Variants in WDR70 observed in about 807,000 individuals in gnomAD.
WDR70 encodes WD repeat domain 70.
A neutral mutation model predicts 88.6 loss-of-function variants in WDR70; 53 were observed. That is an observed-to-expected ratio of 0.60 (90% CI 0.48 to 0.75). WDR70 has a LOEUF of 0.75. Ranked by LOEUF, WDR70 falls within the 30% of genes least tolerant of loss-of-function variation. The pLI, the probability that WDR70 is intolerant of heterozygous loss-of-function variation, is 0.00. For synonymous variants in WDR70, 280 were observed against 270.0 expected, an observed-to-expected ratio of 1.04 and a Z score of -0.36; for missense variants, 610 against 823.2, an observed-to-expected ratio of 0.74 and a Z score of 3.17.
intron 10 of WDR70, among the ~76,000 whole-genome samples, chr5:37,693,512 T>G (rs9764529): frequency 0.042 from 6,341 of 152,054 alleles, 468 homozygotes; most frequent in African/African-American, 0.15. Context: ...CCAAAACAGA[T>G]ATATAGACCA....
At chr5:37,714,426 AG>A (rs1029556195) in intron 13 of WDR70, among the ~76,000 whole-genome samples, 4 of 152,204 alleles carry the variant, frequency 2.6e-5, no homozygotes, top group African/African-American at 9.7e-5. Flanking sequence ...GAAGAGAAAT[AG>A]CCATATAGTG....
intron 5 of WDR70, among the ~76,000 whole-genome samples, chr5:37,415,391 G>T (rs1749676960): frequency 8.6e-6 from 1 of 116,442 alleles, no homozygotes; most frequent in Non-Finnish European, 2.1e-5. Context: ...CCCGGACGGG[G>T]CGGCTGGCCG....
At chr5:37,752,278 A>C (rs1012186790) in intron 17 of WDR70, among the ~76,000 whole-genome samples, 1 of 152,182 alleles carries the variant, frequency 6.6e-6, no homozygotes, top group African/African-American at 2.4e-5. Flanking sequence ...ACAGAGGGTA[A>C]ATCTTTAAAA....
intron 9 of WDR70, among the ~76,000 whole-genome samples, chr5:37,529,149 T>C (rs550719532): frequency 6.6e-6 from 1 of 152,254 alleles, no homozygotes; most frequent in South Asian, 2.1e-4. Flanking sequence ...TGATTTTATT[T>C]CTGGGTTCTG....
intron 3 of WDR70, among the ~76,000 whole-genome samples, chr5:37,383,861 G>A (rs141336189): frequency 0.014 from 2,060 of 152,218 alleles, 44 homozygotes; most frequent in African/African-American, 0.047. Flanking sequence ...GGGATTACAG[G>A]TGTGAGCCAC....
At chr5:37,707,948 A>ATAT (rs1747401553) in intron 13 of WDR70, among the ~76,000 whole-genome samples, 1 of 33,778 alleles carries the variant, frequency 3.0e-5, no homozygotes, top group African/African-American at 1.0e-4. Flanking sequence ...AAAAAAAAAA[A>ATAT]ATATATATAT....
chr5:37,470,891 CTTT>C (rs200827780), intron 7 of WDR70, among the ~76,000 whole-genome samples: 4 of 145,284 alleles, frequency 2.8e-5, no homozygotes, highest in Non-Finnish European at 3.0e-5. Context: ...GCAAGTACTT[CTTT>C]TTTTTTTTTT....
intron 7 of WDR70, among the ~76,000 whole-genome samples, chr5:37,444,457 G>C (rs1738397520): frequency 6.8e-6 from 1 of 147,260 alleles, no homozygotes; most frequent in Non-Finnish European, 1.5e-5. Context: ...TCCCACCTCA[G>C]CCTCCCAAAT....
At chr5:37,682,961 G>A (rs1019120453) in intron 10 of WDR70, among the ~76,000 whole-genome samples, 25 of 152,048 alleles carry the variant, frequency 1.6e-4, no homozygotes, top group African/African-American at 5.8e-4. Context: ...TTACTAATAT[G>A]TGGGAGTCCA....
intron 17 of WDR70, among the ~76,000 whole-genome samples, chr5:37,738,026 AT>A (rs960207786): frequency 2.4e-5 from 3 of 123,370 alleles, no homozygotes; most frequent in African/African-American, 9.7e-5. Flanking sequence ...TGTGCCTAAT[AT>A]TTAAAAAAAA....
Position 37,747,187 on chromosome 5 carries a change from GA to G in WDR70, c.1878-5292del, listed in dbSNP as rs1367376091. Among the ~76,000 whole-genome samples, 4 of 151,730 alleles carry G rather than the reference GA, an allele frequency of 2.6e-5. No homozygotes were observed. In the South Asian group the frequency reaches 8.3e-4, roughly 32 times the overall value. ...ACAAAAACCAAAAACATATTTACAAGAAAAAAACAAAAAAGTGGGCAAAACA... is the reference window on the plus strand; with the variant it reads ...ACAAAAACCAAAAACATATTTACAAGAAAAAACAAAAAAGTGGGCAAAACA... On this transcript the variant is annotated intron_variant, in intron 17 of 17. Transcript: ENST00000265107.
rs374974552 is a variant in WDR70 at position 37,401,776 on chromosome 5, AT to A, written c.492+5214del. On this transcript the variant is annotated intron_variant, in intron 5 of 17. Coordinates refer to ENST00000265107, the MANE Select transcript of WDR70 (RefSeq NM_018034.4). ...CCTGGCCAAGATTATATTTTTAAGG[AT>A]TTTTTTTAATTGACAGATTATTTTT... 1.9e-3 allele frequency among the ~76,000 whole-genome samples: 293 copies of A among 152,020 alleles called. 2 individuals are homozygous for A. Among genetic ancestry groups the A allele is most frequent in the Admixed American group, 4.4e-3 (67 of 15,248 alleles).
At chr5:37,660,673 G>T (rs1745676361) in intron 10 of WDR70, among the ~76,000 whole-genome samples, 1 of 151,652 alleles carries the variant, frequency 6.6e-6, no homozygotes, top group African/African-American at 2.4e-5. Context: ...TTTATTTTTA[G>T]GCTGATCTTC....
At chr5:37,676,732 G>A (rs1269517275) in intron 10 of WDR70, among the ~76,000 whole-genome samples, 3 of 151,550 alleles carry the variant, frequency 2.0e-5, no homozygotes, top group African/African-American at 2.4e-5. Context: ...TTGGTATCAG[G>A]ATGATGCTGG....
intron 10 of WDR70, among the ~76,000 whole-genome samples, chr5:37,634,566 T>C (rs920314651): frequency 4.6e-5 from 7 of 152,170 alleles, no homozygotes; most frequent in African/African-American, 1.7e-4. Context: ...CTTTGTTCTA[T>C]AAGGAAGACA....
chr5:37,505,890 ATTC>A, intron 8 of WDR70: 2 of 1,343,428 alleles, frequency 1.5e-6, no homozygotes, highest in Non-Finnish European at 2.1e-6. Context: ...TCTCAAGTTA[ATTC>A]CTGTCATCTG....
chr5:37,690,765 G>T (rs1343786319), intron 10 of WDR70, among the ~76,000 whole-genome samples: 1 of 152,292 alleles, frequency 6.6e-6, no homozygotes, highest in Non-Finnish European at 1.5e-5. Context: ...ATGCCAAATT[G>T]TAAAGACCAT....
intron 5 of WDR70, among the ~76,000 whole-genome samples, chr5:37,415,602 G>A (rs1276915425): frequency 7.8e-5 from 11 of 141,610 alleles, no homozygotes; most frequent in African/African-American, 1.5e-4. Context: ...GCGGCTGGCC[G>A]GGCGAGGGGC....
intron 5 of WDR70, among the ~76,000 whole-genome samples, chr5:37,401,674 C>G (rs975541893): frequency 3.9e-5 from 6 of 152,096 alleles, no homozygotes; most frequent in Admixed American, 3.9e-4. Flanking sequence ...CTTGGCCATG[C>G]TGGTCTCACC....
Sources: gnomAD v4.1 joint callset for allele counts (sites outside exome capture counted in the v4.1 genomes callset) on GRCh38, gnomAD v4.1.1 for gene constraint, MANE v1.5 for transcripts, NCBI Gene and HGNC (gene_info 2026-07-23, HGNC 2026-07-21) for gene names.